The following RCOR2 variants were observed in gnomAD, a reference collection of about 807,000 sequenced individuals.
RCOR2 encodes REST corepressor 2.
Under a neutral mutation model 58.9 loss-of-function variants are expected in RCOR2, and 19 were observed. The ratio of observed to expected loss-of-function variants is 0.32; its 90% confidence interval spans 0.23 to 0.47. The LOEUF (loss-of-function observed/expected upper bound fraction) is 0.47. Ranked by LOEUF, RCOR2 falls within the 20% of genes least tolerant of loss-of-function variation. The pLI is 1.00. For missense variants in RCOR2, 590 were observed against 707.9 expected (o/e 0.83, Z 1.89); for synonymous variants, 286 against 278.7 (o/e 1.03, Z -0.26).
chr11:63,916,362 T>G lies in RCOR2; in HGVS notation c.95A>C (p.Glu32Ala). The G allele has an allele frequency of 6.2e-7, 1 of 1,607,814 alleles. No individual in the cohort carries two copies. Among genetic ancestry groups the G allele is most frequent in the Non-Finnish European group, 8.5e-7 (1 of 1,177,960 alleles). The change falls in exon 1 of 12, where the codon GAG becomes GCG. Residue 32 changes from glutamate to alanine, a missense_variant. By Grantham distance (107) the Glu-to-Ala change is moderately radical. This residue lies in a region of RCOR2 where 390 missense variants were observed against 478.7 expected (regional missense o/e 0.81). Transcript: ENST00000301459. ...GTGCTCCTCCTCGCTGCTGTCATCCTCCGAGTGGGGCTGTCCGCCGTTGGG... is the reference window on the plus strand; with the variant it reads ...GTGCTCCTCCTCGCTGCTGTCATCCGCCGAGTGGGGCTGTCCGCCGTTGGG... ...TVPNGGQPHS[E>A]DDSSEEEHSH...
chr11:63,924,329 T>C, the RCOR2 span, among the ~76,000 whole-genome samples: 1 of 152,296 alleles, frequency 6.6e-6, no homozygotes, highest in East Asian at 1.9e-4. Flanking sequence ...TGCCTCAGTC[T>C]CCTGAGTAGC....
At position 63,916,625 on chromosome 11, in the gene RCOR2, T is replaced by TA; in HGVS notation, c.-170dup. ...TCCGGCGGGGTGGGAGCCCACCTGG[T>TA]AGCCCCAGCGCTCTCCACGACCCCC... On this transcript the variant is annotated 5_prime_UTR_variant, in exon 1 of 12. Coordinates refer to ENST00000301459, the MANE Select transcript of RCOR2 (RefSeq NM_173587.4). The TA allele has an allele frequency of 8.4e-7, 1 of 1,186,830 alleles. No homozygotes were observed. Among genetic ancestry groups the TA allele is most frequent in the South Asian group, 1.6e-5 (1 of 61,526 alleles). 73.5% of individuals were successfully genotyped at this position (1,186,830 alleles called of 1,614,324 possible).
At chr11:63,919,185 G>GT, upstream of RCOR2, among the ~76,000 whole-genome samples, 1 of 152,088 alleles carries the variant, frequency 6.6e-6, no homozygotes, top group East Asian at 1.9e-4. Context: ...GGGGGCGACT[G>GT]TGGGGGCCAC....
At chr11:63,916,181 GT>G (rs1941853138) in intron 1 of RCOR2, 148 bp downstream of exon 1, 1 of 793,400 alleles carries the variant, frequency 1.3e-6, no homozygotes, top group Non-Finnish European at 1.9e-6. Flanking sequence ...GGCAGCCTGG[GT>G]TTGTGGGAGA....
chr11:63,912,535 C>T lies in RCOR2; in HGVS notation c.1028-1G>A. ...AAGTCTTTGCCATACCTACGGATGG[C>T]TGCAAGGGTCAAAAGGGCAGCAGCG... On this transcript the variant is annotated splice_acceptor_variant, in intron 10 of 11. Coordinates refer to ENST00000301459, the MANE Select transcript of RCOR2 (RefSeq NM_173587.4). LOFTEE classifies it high-confidence loss of function. The T allele has an allele frequency of 6.2e-7, 1 of 1,612,562 alleles. No individual in the cohort carries two copies. Among genetic ancestry groups the T allele is most frequent in the Non-Finnish European group, 8.5e-7 (1 of 1,178,676 alleles).
chr11:63,924,539 C>G, the RCOR2 span, among the ~76,000 whole-genome samples: 1 of 152,102 alleles, frequency 6.6e-6, no homozygotes, highest in Non-Finnish European at 1.5e-5. Flanking sequence ...GGGAGTGGCC[C>G]TCCACTCTTC....
At position 63,912,746 on chromosome 11, in the gene RCOR2, GAAC is replaced by G. The variant is rs760223552; in HGVS notation, c.970-16_970-14del. 6.2e-6 allele frequency: 10 copies of G among 1,613,896 alleles called. No homozygotes were observed. In the Admixed American group the frequency reaches 1.3e-4, roughly 22 times the overall value. On this transcript the variant is annotated splice_polypyrimidine_tract_variant and intron_variant, in intron 9 of 11. Transcript: ENST00000301459. ...ACTTGGTGTTGGCCTGGAAAGCAAG[GAAC>G]AACATATCCTTTAGACTCAAAACCA...
At chr11:63,921,062 G>A (rs1241126341), upstream of RCOR2, among the ~76,000 whole-genome samples, 3 of 152,332 alleles carry the variant, frequency 2.0e-5, no homozygotes, top group East Asian at 3.9e-4. Flanking sequence ...GACCAGGCGC[G>A]GGGTCAGCAA....
chr11:63,921,003 G>A (rs532607956), upstream of RCOR2, among the ~76,000 whole-genome samples: 99 of 152,368 alleles, frequency 6.5e-4, no homozygotes, highest in African/African-American at 2.3e-3. Flanking sequence ...GCGGCAGAGG[G>A]AGGCAAGACA....
chr11:63,919,032 A>G (rs1438160513), upstream of RCOR2, among the ~76,000 whole-genome samples: 1 of 152,146 alleles, frequency 6.6e-6, no homozygotes, highest in Non-Finnish European at 1.5e-5. Flanking sequence ...TCTGGGCCAA[A>G]GGAAGACTCT....
intron 8 of RCOR2, among the ~76,000 whole-genome samples, chr11:63,913,369 T>TA (rs1941807859): frequency 6.6e-6 from 1 of 150,968 alleles, no homozygotes; most frequent in Non-Finnish European, 1.5e-5. Context: ...TATTTTTTTT[T>TA]AGTAGAGACA....
At position 63,911,649 on chromosome 11, in the gene RCOR2, C is replaced by A; in HGVS notation, c.*216G>T. 1.5e-6 allele frequency: 1 copy of A among 679,922 alleles called. No homozygotes were observed. Among genetic ancestry groups the A allele is most frequent in the Non-Finnish European group, 2.2e-6 (1 of 458,066 alleles). 42.1% of individuals were successfully genotyped at this position (679,922 alleles called of 1,614,324 possible). ...AAGCGAAAGTGCCCTCAGGCCAGCT[C>A]AAAGGCCCCTGAGCCCGGCCATGGC... is the stretch of plus-strand genomic sequence containing the variant. On this transcript the variant is annotated 3_prime_UTR_variant, in exon 12 of 12. Transcript: ENST00000301459.
the RCOR2 span, among the ~76,000 whole-genome samples, chr11:63,925,008 G>A: frequency 2.0e-4 from 30 of 151,800 alleles, no homozygotes; most frequent in Non-Finnish European, 4.0e-4. Flanking sequence ...CTGCCACCAC[G>A]CCCAGCTAAT....
At chr11:63,921,307 C>A (rs997961999), upstream of RCOR2, among the ~76,000 whole-genome samples, 1 of 152,174 alleles carries the variant, frequency 6.6e-6, no homozygotes, top group Non-Finnish European at 1.5e-5. Flanking sequence ...CCGCATGGAC[C>A]AAGGGGGTCC....
rs775422661 is a variant in RCOR2 at position 63,914,986 on chromosome 11, A to C, written c.266-32T>G. 3 of 1,613,270 alleles carry C rather than the reference A, an allele frequency of 1.9e-6. No individual in the cohort carries two copies. The African/African-American group carries it at 4.0e-5, about 22-fold the overall frequency. ...GGGCAGCAGGGGCAGGGTCTTGGTG[A>C]AGGGGGTTATAGCTCCTAACCCAGG... On this transcript the variant is annotated intron_variant, in intron 3 of 11. Coordinates refer to ENST00000301459, the MANE Select transcript of RCOR2 (RefSeq NM_173587.4).
chr11:63,925,682 G>A, the RCOR2 span, among the ~76,000 whole-genome samples: 1 of 151,796 alleles, frequency 6.6e-6, no homozygotes, highest in African/African-American at 2.4e-5. Flanking sequence ...GCCAGGTGTG[G>A]TGGCACGTGC....
chr11:63,912,863 G>C lies in RCOR2; in HGVS notation c.969+7C>G. The C allele has an allele frequency of 6.2e-7, 1 of 1,613,472 alleles. No homozygotes were observed. On this transcript the variant is annotated splice_region_variant and intron_variant, in intron 9 of 11. Transcript: ENST00000301459. The stretch of plus-strand genomic sequence containing the variant: ...CCTTTGCACCCTAACTTAAAGAGCA[G>C]CCATACCTCCGGGGGGCGTAGTGGA...
chr11:63,918,206 C>T (rs1321850087), upstream of RCOR2, among the ~76,000 whole-genome samples: 1 of 152,018 alleles, frequency 6.6e-6, no homozygotes, highest in Non-Finnish European at 1.5e-5. Context: ...CGAGCCCGCA[C>T]TCGCGCCCTC....
chr11:63,913,886 C>T (rs371572408), intron 8 of RCOR2, 68 bp downstream of exon 8: 2 of 1,427,350 alleles, frequency 1.4e-6, no homozygotes, highest in East Asian at 2.3e-5. Context: ...CCTCAGCTCC[C>T]CCTAGACTTC....
Sources: allele counts gnomAD v4.1 joint callset (sites outside exome capture counted in the v4.1 genomes callset), GRCh38; gene constraint gnomAD v4.1.1; regional missense constraint gnomAD v4.1.1; transcripts MANE v1.5; gene names NCBI Gene and HGNC (gene_info 2026-07-23, HGNC 2026-07-21).